Variants in CEP44 observed in about 807,000 individuals in gnomAD.
CEP44 encodes centrosomal protein of 44 kDa.
Under a neutral mutation model 46.7 loss-of-function variants are expected in CEP44, and 45 were observed. The ratio of observed to expected loss-of-function variants is 0.96; its 90% CI spans 0.76 to 1.24. The LOEUF (loss-of-function observed/expected upper bound fraction) is 1.24, where lower values mean the gene tolerates loss of function less well. CEP44 is among the 50% of genes most tolerant of loss of function. CEP44 has a pLI of 0.00. For missense variants in CEP44, 475 were observed against 459.7 expected (o/e 1.03, Z -0.30); for synonymous variants, 142 against 146.0 (o/e 0.97, Z 0.20).
Position 174,331,667 on chromosome 4 carries a change from A to G in CEP44, c.*72A>G. On this transcript the variant is annotated 3_prime_UTR_variant, in exon 9 of 9. Transcript: ENST00000426172. The surrounding 1 kb of genome is among the most constrained non-coding windows in gnomAD (Gnocchi z 4.5). The stretch of plus-strand genomic sequence containing the variant: ...ATGTTTCAGTGAAGCTCATCCACGA[A>G]GTCCAGAATTCTGCCTGGAAACCAG... 8.0e-6 allele frequency: 12 copies of G among 1,491,756 alleles called. No individual in the cohort carries two copies. Among genetic ancestry groups the G allele is most frequent in the Non-Finnish European group, 1.1e-5 (12 of 1,113,584 alleles). 92.4% of individuals were successfully genotyped at this position (1,491,756 alleles called of 1,614,324 possible).
chr4:174,306,589 T>C (rs942218713), intron 6 of CEP44, among the ~76,000 whole-genome samples: 4 of 152,118 alleles, frequency 2.6e-5, no homozygotes, highest in Non-Finnish European at 5.9e-5. Context: ...CATAAATTAT[T>C]GGTAATGTTA....
chr4:174,303,629 C>A, intron 4 of CEP44, 74 bp from the exon 5 acceptor site: 2 of 921,708 alleles, frequency 2.2e-6, no homozygotes, highest in South Asian at 2.1e-5. Flanking sequence ...TTCCCCTGAC[C>A]AGGTGGGCAT....
Position 174,316,447 on chromosome 4 carries a change from CTG to C in CEP44, c.1087-79_1087-78del, listed in dbSNP as rs1272464179. 2.8e-5 allele frequency: 39 copies of C among 1,391,258 alleles called. No individual in the cohort carries two copies. The Admixed American group carries it at 3.9e-4, about 14-fold the overall frequency. The allele number at this position is 1,391,258 out of a possible 1,614,324, so 86.2% of individuals were successfully genotyped here. On this transcript the variant is annotated intron_variant, in intron 10 of 11. Coordinates refer to ENST00000503780, the MANE Select transcript of CEP44 (RefSeq NM_001040157.3). The stretch of plus-strand genomic sequence containing the variant: ...ACAGTACTTAATGCAATGTTTCAAA[CTG>C]TGTTTTGTACATTCTCGGTCCATCT...
Position 174,303,828 on chromosome 4 carries a change from G to A in CEP44, c.363G>A (p.Lys121=). The A allele has an allele frequency of 6.4e-6, 10 of 1,563,704 alleles. No homozygotes were observed. Among genetic ancestry groups the A allele is most frequent in the Non-Finnish European group, 7.9e-6 (9 of 1,143,272 alleles). Residue 121 remains lysine (K), a synonymous_variant, in exon 5 of 12, where the codon AAG becomes AAA. Coordinates refer to ENST00000503780, the MANE Select transcript of CEP44 (RefSeq NM_001040157.3). ...TGAATTGTGTGATGAAAAAGCACAAGGAATTAAGCAGTCTTCAGAAGGTAA... is the reference window on the plus strand; with the variant it reads ...TGAATTGTGTGATGAAAAAGCACAAAGAATTAAGCAGTCTTCAGAAGGTAA... ...DILNCVMKKH[K]ELSSLQKIPS...
In CEP44 at chr4:174,317,635, A is replaced by G; in HGVS notation, c.*252A>G. On this transcript the variant is annotated 3_prime_UTR_variant, in exon 12 of 12. Transcript: ENST00000503780. ...TCATGTTCCAGTATATTTCTCTTAC[A>G]GAGTGAAGTCATTACAGCACTGTAT... The G allele has an allele frequency of 9.5e-7, 1 of 1,051,320 alleles. No homozygotes were observed. Among genetic ancestry groups the G allele is most frequent in the Non-Finnish European group, 1.1e-6 (1 of 871,020 alleles). 65.1% of individuals were successfully genotyped at this position (1,051,320 alleles called of 1,614,324 possible). A position where few individuals can be genotyped will look rare whatever the true frequency, so the allele number is the denominator to read the frequency against.
At chr4:174,330,673 T>C (rs1731273601) in intron 8 of CEP44, among the ~76,000 whole-genome samples, 2 of 129,624 alleles carry the variant, frequency 1.5e-5, no homozygotes, top group East Asian at 1.3e-3. Flanking sequence ...AACACCATAA[T>C]CTTTTTTATT....
In CEP44 at chr4:174,311,576, A is replaced by G. The variant is rs1741086118; in HGVS notation, c.961+718A>G. ...CGTTATAAAATCTTTCAGCTCTACTATATGTGTAACAATAAAATAATATAT... is the reference window on the plus strand; with the variant it reads ...CGTTATAAAATCTTTCAGCTCTACTGTATGTGTAACAATAAAATAATATAT... On this transcript the variant is annotated intron_variant, in intron 9 of 11. Coordinates refer to ENST00000503780, the MANE Select transcript of CEP44 (RefSeq NM_001040157.3). This position sits in a 1 kb window ranked among gnomAD's most constrained non-coding sequence, Gnocchi z 4.4. Among the ~76,000 whole-genome samples, 1 of 152,172 alleles carries G rather than the reference A, an allele frequency of 6.6e-6. No homozygotes were observed. The highest frequency in any genetic ancestry group is 2.4e-5 in the African/African-American group (1 of 41,466).
chr4:174,318,440 T>G lies in CEP44; in HGVS notation c.*1057T>G, dbSNP rs917390963. On this transcript the variant is annotated 3_prime_UTR_variant, in exon 12 of 12. Coordinates refer to ENST00000503780, the MANE Select transcript of CEP44 (RefSeq NM_001040157.3). ...TTTTTAATGATGAAAAGTTACACAT[T>G]TTTTGGAGAGAAAAGTCTTAGCTGA... is the stretch of plus-strand genomic sequence containing the variant. The G allele has an allele frequency of 8.1e-6, 8 of 983,194 alleles. No homozygotes were observed. Among genetic ancestry groups the G allele is most frequent in the Non-Finnish European group, 9.7e-6 (8 of 827,950 alleles). 60.9% of individuals were successfully genotyped at this position (983,194 alleles called of 1,614,324 possible).
Position 174,307,681 on chromosome 4 carries a change from C to T in CEP44, c.508-1008C>T, listed in dbSNP as rs556656971. On this transcript the variant is annotated intron_variant, in intron 6 of 11. Coordinates refer to ENST00000503780, the MANE Select transcript of CEP44 (RefSeq NM_001040157.3). ...ATCAGCAAAGTAAACAGACACCCTCCGGAGTGGGAGAAAATTTTTGCAAAC... is the reference window on the plus strand; with the variant it reads ...ATCAGCAAAGTAAACAGACACCCTCTGGAGTGGGAGAAAATTTTTGCAAAC... 9.9e-5 allele frequency among the ~76,000 whole-genome samples: 15 copies of T among 152,188 alleles called. No individual in the cohort carries two copies. In the South Asian group the frequency reaches 2.7e-3, roughly 27 times the overall value.
In CEP44 at chr4:174,319,471, C is replaced by A; in HGVS notation, c.*2088C>A. 1.0e-6 allele frequency: 1 copy of A among 963,936 alleles called. No individual in the cohort carries two copies. Among genetic ancestry groups the A allele is most frequent in the Non-Finnish European group, 1.2e-6 (1 of 810,616 alleles). 59.7% of individuals were successfully genotyped at this position (963,936 alleles called of 1,614,324 possible). ...TGAAAAATTCAATTTTAAAAAGAAA[C>A]ATTTTTGAAGTTTTCTTATGGAAGA... On this transcript the variant is annotated 3_prime_UTR_variant, in exon 12 of 12. Transcript: ENST00000503780.
chr4:174,313,570 AG>A (rs1161927961), intron 9 of CEP44, among the ~76,000 whole-genome samples: 2 of 152,194 alleles, frequency 1.3e-5, no homozygotes, highest in African/African-American at 4.8e-5. Flanking sequence ...TGTTTCACAA[AG>A]GTTATCATCA....
intron 9 of CEP44, 78 bp from the exon 10 acceptor site, chr4:174,316,088 C>T (rs1741674570): frequency 6.6e-7 from 1 of 1,514,906 alleles, no homozygotes; most frequent in Non-Finnish European, 9.0e-7. Context: ...TGTTTTTCTT[C>T]CATCTGTAAA....
chr4:174,331,195 G>A lies in CEP44; in HGVS notation c.1087-287G>A, dbSNP rs535367241. 6.0e-5 allele frequency among the ~76,000 whole-genome samples: 9 copies of A among 150,258 alleles called. No individual in the cohort carries two copies. In the South Asian group the frequency reaches 1.3e-3, roughly 21 times the overall value. ...GTTACCAATTTTTTAATTAAAGTAA[G>A]ACAATTGCATAGATTTCTTATTGCC... On this transcript the variant is annotated intron_variant, in intron 8 of 8. Coordinates refer to the CEP44 transcript ENST00000426172. The surrounding 1 kb of genome is among the most constrained non-coding windows in gnomAD (Gnocchi z 4.5).
At chr4:174,320,405 T>G (rs1261003616), downstream of CEP44, 1 of 777,466 alleles carries the variant, frequency 1.3e-6, no homozygotes, top group Non-Finnish European at 1.6e-6. Flanking sequence ...AAAATTAATA[T>G]AACCTTCTCA....
intron 1 of CEP44, among the ~76,000 whole-genome samples, chr4:174,289,535 A>G (rs1249373856): frequency 2.0e-5 from 3 of 151,830 alleles, no homozygotes. Flanking sequence ...TTGATGGCAT[A>G]TAATTGTTCA....
chr4:174,331,820 T>C lies in CEP44; in HGVS notation c.*225T>C, dbSNP rs771844471. On this transcript the variant is annotated 3_prime_UTR_variant, in exon 9 of 9. Transcript: ENST00000426172. The surrounding 1 kb of genome is among the most constrained non-coding windows in gnomAD (Gnocchi z 4.5). ...TCCAGAAATTTCTCAAAATGTCTGC[T>C]GATAGCCCCTCACTCATATTTTTCA... 2.2e-6 allele frequency: 1 copy of C among 463,432 alleles called. No individual in the cohort carries two copies. Among genetic ancestry groups the C allele is most frequent in the Non-Finnish European group, 3.6e-6 (1 of 274,002 alleles). The allele number at this position is 463,432 out of a possible 1,614,324, so 28.7% of individuals were successfully genotyped here.
chr4:174,312,484 T>C lies in CEP44; in HGVS notation c.961+1626T>C, dbSNP rs1227687747. Among the ~76,000 whole-genome samples, 1 of 152,032 alleles carries C rather than the reference T, an allele frequency of 6.6e-6. No homozygotes were observed. Among genetic ancestry groups the C allele is most frequent in the Non-Finnish European group, 1.5e-5 (1 of 67,984 alleles). ...TTTTTATTTATTTACATACTGTTTT[T>C]AGTAAAACAAGGTCTTGCTATGTTG... On this transcript the variant is annotated intron_variant, in intron 9 of 11. Coordinates refer to ENST00000503780, the MANE Select transcript of CEP44 (RefSeq NM_001040157.3). The surrounding 1 kb of genome is among the most constrained non-coding windows in gnomAD (Gnocchi z 4.5).
At chr4:174,332,412 A>G (rs1731364972) in exon 9 of CEP44, 1 of 152,234 alleles carries the variant, frequency 6.6e-6, no homozygotes, top group Admixed American at 6.5e-5. Flanking sequence ...TACTTATTCT[A>G]TTAACTGCAT....
chr4:174,316,126 G>A (rs1391010979), intron 9 of CEP44, 40 bp from the exon 10 acceptor site: 1 of 1,597,414 alleles, frequency 6.3e-7, no homozygotes, highest in South Asian at 1.1e-5. Flanking sequence ...TGACTCTTCT[G>A]TGAAAGGAAA....
Sources: gnomAD v4.1 joint callset for allele counts (sites outside exome capture counted in the v4.1 genomes callset) on GRCh38, gnomAD v4.1.1 for gene constraint, Gnocchi (gnomAD v3.1) non-coding constraint, MANE v1.5 for transcripts, NCBI Gene and HGNC (gene_info 2026-07-23, HGNC 2026-07-21) for gene names.